The following KCNIP3 variants were observed in gnomAD, a reference collection of about 807,000 sequenced individuals.
The protein encoded by KCNIP3 is calsenilin.
A neutral mutation model predicts 35.0 loss-of-function variants in KCNIP3; 28 were observed. That is an observed-to-expected ratio of 0.80 (90% CI 0.59 to 1.10). The LOEUF is 1.10. Ranked by LOEUF, KCNIP3 falls within the 50% of genes least tolerant of loss-of-function variation. The pLI is 0.00. For synonymous variants in KCNIP3, 134 were observed against 133.8 expected (o/e 1.00, Z -0.01); for missense variants, 295 against 338.4 (o/e 0.87, Z 1.01).
intron 1 of KCNIP3, among the ~76,000 whole-genome samples, chr2:95,301,976 G>T (rs955301973): frequency 6.6e-6 from 1 of 152,110 alleles, no homozygotes; most frequent in Non-Finnish European, 1.5e-5. Flanking sequence ...CGGCTCCCCC[G>T]ACAAGGCGAG....
chr2:95,336,340 C>T (rs555652901), intron 2 of KCNIP3, among the ~76,000 whole-genome samples: 14 of 152,314 alleles, frequency 9.2e-5, no homozygotes, highest in South Asian at 2.1e-4. Context: ...GCCCAGACTC[C>T]GTATCAGTCA....
intron 2 of KCNIP3, among the ~76,000 whole-genome samples, chr2:95,341,728 C>T (rs927457534): frequency 1.3e-5 from 2 of 152,164 alleles, no homozygotes; most frequent in African/African-American, 2.4e-5. Flanking sequence ...CTCCTGGACT[C>T]CCAGGCCTGT....
intron 2 of KCNIP3, among the ~76,000 whole-genome samples, chr2:95,349,097 GC>G (rs1401371093): frequency 1.3e-5 from 2 of 148,658 alleles, no homozygotes; most frequent in African/African-American, 2.5e-5. Flanking sequence ...ACCCCCCCCC[GC>G]CCCCCGTCAG....
rs1249945979 is a variant in KCNIP3, at chr2:95,378,464, G to A, written c.448-3132G>A. 6.6e-6 allele frequency among the ~76,000 whole-genome samples: 1 copy of A among 151,874 alleles called. No homozygotes were observed. The highest frequency in any genetic ancestry group is 1.5e-5 in the Non-Finnish European group (1 of 67,998). ...AAAATATTTTCATTGGCCGGGCTCG[G>A]TGGCTCACGCCTGCAATCCCAGCAC... On this transcript the variant is annotated intron_variant, in intron 5 of 8. Transcript: ENST00000295225. The surrounding 1 kb of genome is among the most constrained non-coding windows in gnomAD (Gnocchi z 4.0).
chr2:95,350,285 C>T (rs1191976097), intron 2 of KCNIP3, among the ~76,000 whole-genome samples: 1 of 152,196 alleles, frequency 6.6e-6, no homozygotes, highest in Non-Finnish European at 1.5e-5. Flanking sequence ...TTTTTCTCCA[C>T]AGCCTTGTCA....
intron 2 of KCNIP3, among the ~76,000 whole-genome samples, chr2:95,324,835 T>C (rs1463913382): frequency 1.3e-5 from 2 of 151,882 alleles, no homozygotes; most frequent in Non-Finnish European, 2.9e-5. Context: ...GGCTTGAACC[T>C]GGGAGGCTGA....
Position 95,344,012 on chromosome 2 carries a change from A to G in KCNIP3, c.182-30284A>G, listed in dbSNP as rs115635411. On this transcript the variant is annotated intron_variant, in intron 2 of 8. Transcript: ENST00000295225. Reference sequence around the variant, plus strand: ...AGGGCTCAGGGCCCAGCCTTCTCCAATCACCCCAAGGACCAGTGAACTGCT... The same window carrying G: ...AGGGCTCAGGGCCCAGCCTTCTCCAGTCACCCCAAGGACCAGTGAACTGCT... Among the ~76,000 whole-genome samples the G allele has an allele frequency of 4.2e-3, 639 of 152,148 alleles. 11 individuals carry two copies. Among genetic ancestry groups the G allele is most frequent in the African/African-American group, 0.015 (612 of 41,500 alleles).
intron 2 of KCNIP3, among the ~76,000 whole-genome samples, chr2:95,334,404 G>A (rs1679006827): frequency 1.3e-5 from 2 of 152,248 alleles, no homozygotes; most frequent in Non-Finnish European, 2.9e-5. Context: ...TGGGGATGAA[G>A]GAAACTGAGG....
At chr2:95,308,066 G>C (rs1678221357) in intron 1 of KCNIP3, among the ~76,000 whole-genome samples, 1 of 152,186 alleles carries the variant, frequency 6.6e-6, no homozygotes, top group Admixed American at 6.5e-5. Context: ...ATGTGTGCTT[G>C]TGTGTGCATA....
chr2:95,358,981 AT>A (rs199889726), intron 2 of KCNIP3, among the ~76,000 whole-genome samples: 23 of 149,702 alleles, frequency 1.5e-4, no homozygotes, highest in South Asian at 1.1e-3. Context: ...AACCAAACAA[AT>A]TTTTTTTTTT....
At position 95,299,680 on chromosome 2, in the gene KCNIP3, C is replaced by T. The variant is rs1210098524; in HGVS notation, c.15+2227C>T. Among the ~76,000 whole-genome samples the T allele has an allele frequency of 2.0e-5, 3 of 152,254 alleles. No homozygotes were observed. In the East Asian group the frequency reaches 5.8e-4, roughly 29 times the overall value. The stretch of plus-strand genomic sequence containing the variant: ...TGTCGCGGTGTTGAGGCTGTGGTGT[C>T]TTCACAGCTCAGCCCGTGCACTGGG... On this transcript the variant is annotated intron_variant, in intron 1 of 8. Transcript: ENST00000295225.
At chr2:95,327,062 G>A (rs1405833275) in intron 2 of KCNIP3, among the ~76,000 whole-genome samples, 3 of 152,326 alleles carry the variant, frequency 2.0e-5, no homozygotes, top group Non-Finnish European at 2.9e-5. Context: ...CTCTCTTGCC[G>A]GAGGACTGAA....
At chr2:95,334,845 G>A (rs1435895535) in intron 2 of KCNIP3, among the ~76,000 whole-genome samples, 2 of 152,204 alleles carry the variant, frequency 1.3e-5, no homozygotes, top group Admixed American at 1.3e-4. Flanking sequence ...CAGACCTCTG[G>A]CAGAACAGAT....
chr2:95,312,374 G>C (rs140563395), intron 2 of KCNIP3: 3 of 152,220 alleles, frequency 2.0e-5, no homozygotes, highest in South Asian at 2.1e-4. Context: ...AAGTCAGGGC[G>C]GGGGGGACCA....
chr2:95,326,415 C>T (rs1678793745), intron 2 of KCNIP3, among the ~76,000 whole-genome samples: 2 of 152,210 alleles, frequency 1.3e-5, no homozygotes, highest in African/African-American at 4.8e-5. Flanking sequence ...CGTTCACACA[C>T]TGCACTCGGG....
At chr2:95,297,598 T>C (rs1257393471) in intron 1 of KCNIP3, 145 bp downstream of exon 1, 1 of 702,464 alleles carries the variant, frequency 1.4e-6, no homozygotes, top group Non-Finnish European at 2.4e-6. Flanking sequence ...AAGTGAGCGT[T>C]GGGGCGTCCT....
chr2:95,334,901 A>T (rs1188323842), intron 2 of KCNIP3, among the ~76,000 whole-genome samples: 1 of 152,186 alleles, frequency 6.6e-6, no homozygotes, highest in African/African-American at 2.4e-5. Context: ...ATGAAGACAG[A>T]TTCGTTCCCC....
At chr2:95,330,036 G>C (rs1678887445) in intron 2 of KCNIP3, among the ~76,000 whole-genome samples, 1 of 152,206 alleles carries the variant, frequency 6.6e-6, no homozygotes, top group Non-Finnish European at 1.5e-5. Flanking sequence ...TTCTAGGAGG[G>C]ACTCAGGACG....
intron 1 of KCNIP3, among the ~76,000 whole-genome samples, chr2:95,305,500 G>A (rs910150936): frequency 2.0e-5 from 3 of 152,142 alleles, no homozygotes; most frequent in Non-Finnish European, 4.4e-5. Context: ...CGATTTCCCA[G>A]TTCACACGCA....
Sources: allele counts gnomAD v4.1 joint callset (sites outside exome capture counted in the v4.1 genomes callset), GRCh38; gene constraint gnomAD v4.1.1; non-coding constraint Gnocchi (gnomAD v3.1); transcripts MANE v1.5; gene names NCBI Gene and HGNC (gene_info 2026-07-23, HGNC 2026-07-21).